Variants in DIP2C observed in about 807,000 individuals in gnomAD.
DIP2C encodes disco-interacting protein 2 homolog C.
A neutral mutation model predicts 192.4 loss-of-function variants in DIP2C; 33 were observed. That is an observed-to-expected ratio of 0.17 (90% confidence interval 0.13 to 0.23). The LOEUF (loss-of-function observed/expected upper bound fraction) is 0.23, where lower values mean the gene tolerates loss of function less well. DIP2C is among the 10% of genes least tolerant of loss of function. The pLI is 1.00. For synonymous variants in DIP2C, 979 were observed against 864.1 expected (o/e 1.13, Z -2.33); for missense variants, 1,537 against 2,110.1 (o/e 0.73, Z 5.32).
chr10:527,432 G>T (rs1847116064), intron 1 of DIP2C, among the ~76,000 whole-genome samples: 1 of 152,210 alleles, frequency 6.6e-6, no homozygotes, highest in South Asian at 2.1e-4. Context: ...CTTATGGTGT[G>T]ATTTGGGGAA....
In DIP2C at chr10:383,189, ATGTAT is replaced by A. The variant is rs576765567; in HGVS notation, c.1877-433_1877-429del. Among the ~76,000 whole-genome samples, 121 of 152,356 alleles carry A rather than the reference ATGTAT, an allele frequency of 7.9e-4. No individual in the cohort carries two copies. The South Asian group carries it at 0.017, about 21-fold the overall frequency. On this transcript the variant is annotated intron_variant, in intron 16 of 36. Coordinates refer to ENST00000280886, the MANE Select transcript of DIP2C (RefSeq NM_014974.3). ...ATAGATATACTTTTCTTTATGCAAGATGTATTGTTTTGTACTTATGGGTTAAAACC... is the reference window on the plus strand; with the variant it reads ...ATAGATATACTTTTCTTTATGCAAGATGTTTTGTACTTATGGGTTAAAACC...
intron 23 of DIP2C, 62 bp downstream of exon 23, chr10:357,766 A>C: frequency 7.7e-7 from 1 of 1,306,196 alleles, no homozygotes; most frequent in Non-Finnish European, 1.1e-6. Flanking sequence ...ATGGTCGCAG[A>C]TGGTCGGGGA....
intron 1 of DIP2C, among the ~76,000 whole-genome samples, chr10:541,508 C>T (rs993432210): frequency 2.7e-4 from 40 of 146,632 alleles, no homozygotes; most frequent in African/African-American, 1.0e-3. Flanking sequence ...ACAGCATGAC[C>T]CTCCACACTG....
At chr10:368,573 A>G (rs1157745604) in intron 18 of DIP2C, among the ~76,000 whole-genome samples, 1 of 152,322 alleles carries the variant, frequency 6.6e-6, no homozygotes, top group East Asian at 1.9e-4. Context: ...GGCCGAACAG[A>G]AAGGCGAGAC....
At chr10:320,079 G>A (rs191539961) in intron 31 of DIP2C, among the ~76,000 whole-genome samples, 1 of 152,312 alleles carries the variant, frequency 6.6e-6, no homozygotes, top group Admixed American at 6.5e-5. Flanking sequence ...CATTTGCAAG[G>A]AACAGTTACA....
intron 17 of DIP2C, among the ~76,000 whole-genome samples, chr10:371,632 A>T (rs967289538): frequency 5.3e-5 from 8 of 149,918 alleles, no homozygotes; most frequent in Non-Finnish European, 1.0e-4. Flanking sequence ...ATCGCTGAGC[A>T]GAGCAGCACC....
intron 17 of DIP2C, among the ~76,000 whole-genome samples, chr10:376,453 C>T (rs1052332498): frequency 1.4e-5 from 2 of 141,162 alleles, no homozygotes; most frequent in Non-Finnish European, 3.1e-5. Flanking sequence ...ACACGCATTC[C>T]GGTTCCAGAC....
intron 32 of DIP2C, among the ~76,000 whole-genome samples, chr10:302,131 G>A (rs1033778553): frequency 1.3e-5 from 2 of 152,152 alleles, no homozygotes; most frequent in Admixed American, 6.6e-5. Context: ...GCATTTGCAT[G>A]ACTACATACA....
At chr10:438,826 A>T (rs1025867790) in intron 4 of DIP2C, among the ~76,000 whole-genome samples, 10 of 151,158 alleles carry the variant, frequency 6.6e-5, no homozygotes, top group African/African-American at 2.4e-4. Flanking sequence ...TATTATCGTT[A>T]TTTTTTTCTA....
At chr10:414,852 T>TTGTGTGTGTGTGTGTGTG (rs748231177) in intron 7 of DIP2C, among the ~76,000 whole-genome samples, 9 of 98,870 alleles carry the variant, frequency 9.1e-5, no homozygotes, top group Admixed American at 6.3e-4. Flanking sequence ...ACATATATAT[T>TTGTGTGTGTGTGTGTGTG]TGTGTGTGTG....
intron 1 of DIP2C, among the ~76,000 whole-genome samples, chr10:594,097 G>A (rs1050461232): frequency 1.3e-5 from 2 of 152,338 alleles, no homozygotes; most frequent in African/African-American, 4.8e-5. Context: ...AGACGTTTAC[G>A]CAGTGGGATG....
intron 3 of DIP2C, among the ~76,000 whole-genome samples, chr10:463,311 C>T (rs533784660): frequency 4.6e-5 from 7 of 152,164 alleles, no homozygotes; most frequent in Non-Finnish European, 1.0e-4. Flanking sequence ...TCTCAGGATA[C>T]AAAATCAATG....
intron 1 of DIP2C, among the ~76,000 whole-genome samples, chr10:619,494 C>CGG (rs1276904384): frequency 2.1e-5 from 3 of 143,450 alleles, no homozygotes; most frequent in Non-Finnish European, 3.1e-5. Flanking sequence ...CGCAGAATAT[C>CGG]GGGAGCACAG....
intron 1 of DIP2C, among the ~76,000 whole-genome samples, chr10:551,701 C>G (rs1262019483): frequency 6.6e-6 from 1 of 152,208 alleles, no homozygotes; most frequent in Admixed American, 6.5e-5. Context: ...TGGGAAGGGT[C>G]CAAGAGCAAA....
chr10:307,571 G>A (rs990463270), intron 32 of DIP2C, among the ~76,000 whole-genome samples: 11 of 152,152 alleles, frequency 7.2e-5, no homozygotes, highest in Admixed American at 3.9e-4. Context: ...AGACTGGGAC[G>A]CCGCTGAGAT....
chr10:277,088 C>A lies in DIP2C; in HGVS notation c.*237G>T. 4.4e-6 allele frequency: 2 copies of A among 455,176 alleles called. No homozygotes were observed. Among genetic ancestry groups the A allele is most frequent in the Non-Finnish European group, 7.5e-6 (2 of 267,252 alleles). 28.2% of individuals were successfully genotyped at this position (455,176 alleles called of 1,614,324 possible). ...AAAGTTTTGAAATGGGCTTTTCCAA[C>A]AAACTGAAGGCAGTAATCCAAAGTC... On this transcript the variant is annotated 3_prime_UTR_variant, in exon 37 of 37. Transcript: ENST00000280886.
At chr10:576,752 A>C (rs1046723667) in intron 1 of DIP2C, among the ~76,000 whole-genome samples, 1 of 152,062 alleles carries the variant, frequency 6.6e-6, no homozygotes, top group African/African-American at 2.4e-5. Context: ...GACTAAAAAT[A>C]AAAAATTAGC....
intron 1 of DIP2C, among the ~76,000 whole-genome samples, chr10:489,671 G>T (rs1349930517): frequency 7.3e-6 from 1 of 137,192 alleles, no homozygotes; most frequent in Middle Eastern, 3.9e-3. Flanking sequence ...CGGTGCCCGG[G>T]GCTTCCTCCA....
chr10:284,148 T>C (rs1486449516), intron 34 of DIP2C, among the ~76,000 whole-genome samples: 1 of 152,152 alleles, frequency 6.6e-6, no homozygotes, highest in African/African-American at 2.4e-5. Flanking sequence ...TCTGGAGTGT[T>C]TGCTGTGGAG....
Sources: allele counts gnomAD v4.1 joint callset (sites outside exome capture counted in the v4.1 genomes callset), GRCh38; gene constraint gnomAD v4.1.1; transcripts MANE v1.5; gene names NCBI Gene and HGNC (gene_info 2026-07-23, HGNC 2026-07-21).